The following PCDHA4 variants were observed in gnomAD, a reference collection of about 807,000 sequenced individuals.
PCDHA4 encodes the protein protocadherin alpha 4.
In PCDHA4, 49 loss-of-function variants were observed where a neutral mutation model predicts 61.4. That is an observed-to-expected ratio of 0.80 (90% CI 0.63 to 1.01). The LOEUF (loss-of-function observed/expected upper bound fraction) is 1.01. Among genes scored for constraint, PCDHA4 ranks in the 50% least tolerant of loss-of-function variants. The pLI is 0.00. For synonymous variants in PCDHA4, 590 were observed against 550.3 expected (o/e 1.07, Z -1.01); for missense variants, 1,254 against 1,235.8 (o/e 1.01, Z -0.22).
intron 1 of PCDHA4, among the ~76,000 whole-genome samples, chr5:140,932,809 CAT>C (rs782729907): frequency 3.3e-5 from 5 of 151,746 alleles, no homozygotes; most frequent in Admixed American, 6.6e-5. Flanking sequence ...ACCTTGGAAA[CAT>C]ATAAGTGGGA....
chr5:140,809,621 T>C, intron 1 of PCDHA4, 49 bp downstream of exon 1: 1 of 1,510,150 alleles, frequency 6.6e-7, no homozygotes, highest in Non-Finnish European at 8.9e-7. Flanking sequence ...TTTTTCTCTA[T>C]CAACTTCTTC....
At chr5:140,821,498 G>C (rs1479155064) in intron 1 of PCDHA4, 4 of 316,254 alleles carry the variant, frequency 1.3e-5, no homozygotes, top group Admixed American at 8.8e-5. Context: ...AAATATTGAC[G>C]AATATAAGCT....
chr5:140,821,976 CA>C (rs2150112457), intron 1 of PCDHA4: 1 of 1,614,196 alleles, frequency 6.2e-7, no homozygotes, highest in South Asian at 1.1e-5. Flanking sequence ...GGGTGGCGTC[CA>C]AGGGCCGCGG....
chr5:140,853,535 C>G (rs916895928), intron 1 of PCDHA4: 2 of 979,230 alleles, frequency 2.0e-6, no homozygotes, highest in South Asian at 9.5e-5. Context: ...TGTCTCTTTT[C>G]AAGTTGTAAT....
At chr5:140,865,966 T>C (rs1376241258) in intron 1 of PCDHA4, 5 of 152,194 alleles carry the variant, frequency 3.3e-5, no homozygotes, top group Non-Finnish European at 2.9e-5. Context: ...TTTTGTACAA[T>C]GTGTGATTGA....
intron 3 of PCDHA4, among the ~76,000 whole-genome samples, chr5:141,008,680 T>C (rs2098386787): frequency 6.6e-6 from 1 of 152,220 alleles, no homozygotes; most frequent in Non-Finnish European, 1.5e-5. Flanking sequence ...ATACTTTAGT[T>C]ATTGCATGTA....
At chr5:140,971,117 G>A (rs868931936) in intron 1 of PCDHA4, among the ~76,000 whole-genome samples, 1 of 152,162 alleles carries the variant, frequency 6.6e-6, no homozygotes, top group Admixed American at 6.5e-5. Flanking sequence ...ATTGGGGTGG[G>A]CTACAGGTGG....
intron 1 of PCDHA4, among the ~76,000 whole-genome samples, chr5:140,903,368 A>G (rs1554190936): frequency 6.6e-6 from 1 of 152,234 alleles, no homozygotes; most frequent in Non-Finnish European, 1.5e-5. Flanking sequence ...TCAAAAATAT[A>G]GGGAGGATTG....
At position 140,807,477 on chromosome 5, in the gene PCDHA4, G is replaced by C. The variant is rs111900306; in HGVS notation, c.290G>C (p.Arg97Pro). The C allele has an allele frequency of 1.1e-5, 17 of 1,613,078 alleles. No homozygotes were observed. Among genetic ancestry groups the C allele is most frequent in the Non-Finnish European group, 1.4e-5 (17 of 1,179,766 alleles). Residue 97 changes from arginine to proline, a missense_variant, in exon 1 of 4, where the codon CGG (arginine) becomes CCG (proline). By Grantham distance (103) the Arg-to-Pro change is moderately radical. Transcript: ENST00000530339. The stretch of plus-strand genomic sequence containing the variant: ...CGGATCGACCGGGAGGAGCTGTGCC[G>C]GCGGAGCGCGGAGTGCAGCATCCAC... ...NSRIDREELC[R>P]RSAECSIHLE...
At chr5:140,985,065 G>A (rs189493508) in intron 3 of PCDHA4, among the ~76,000 whole-genome samples, 45 of 152,190 alleles carry the variant, frequency 3.0e-4, no homozygotes, top group Admixed American at 5.2e-4. Context: ...AGCCTCCTGA[G>A]TAGCTGAGAC....
intron 3 of PCDHA4, among the ~76,000 whole-genome samples, chr5:141,004,378 G>C (rs914260481): frequency 6.6e-6 from 1 of 152,316 alleles, no homozygotes; most frequent in South Asian, 2.1e-4. Context: ...TCTGCTCTGC[G>C]GAAGCTGGAC....
rs1764081546 is a variant in PCDHA4 at position 140,808,011 on chromosome 5, G to A, written c.824G>A (p.Gly275Glu). Residue 275 changes from glycine to glutamate, a missense_variant, in exon 1 of 4, where the codon GGG becomes GAG. Gly to Glu is a moderately conservative substitution (Grantham distance 98, BLOSUM62 -2). Coordinates refer to ENST00000530339, the MANE Select transcript of PCDHA4 (RefSeq NM_018907.4). The part of the protein sequence containing the change: ...NASDLDEGLN[G>E]DIVYSFSNDI... ...TCAGATTTAGACGAAGGATTGAATGGGGACATTGTTTATTCATTCTCAAAT... is the reference window on the plus strand; with the variant it reads ...TCAGATTTAGACGAAGGATTGAATGAGGACATTGTTTATTCATTCTCAAAT... The A allele has an allele frequency of 6.2e-7, 1 of 1,613,630 alleles. No individual in the cohort carries two copies. Among genetic ancestry groups the A allele is most frequent in the Non-Finnish European group, 8.5e-7 (1 of 1,179,706 alleles).
intron 3 of PCDHA4, among the ~76,000 whole-genome samples, chr5:140,998,010 C>A (rs2097793505): frequency 6.6e-6 from 1 of 152,096 alleles, no homozygotes; most frequent in Admixed American, 6.6e-5. Flanking sequence ...GCCTTCCATC[C>A]CCACCTCGAG....
At chr5:140,980,856 G>A (rs559833499) in intron 2 of PCDHA4, among the ~76,000 whole-genome samples, 2 of 152,004 alleles carry the variant, frequency 1.3e-5, no homozygotes, top group African/African-American at 2.4e-5. Context: ...AATCTTTTTC[G>A]TATGTGTGCT....
At chr5:140,987,045 C>G (rs1344958949) in intron 3 of PCDHA4, among the ~76,000 whole-genome samples, 1 of 151,982 alleles carries the variant, frequency 6.6e-6, no homozygotes, top group Non-Finnish European at 1.5e-5. Flanking sequence ...GAAACCCCAT[C>G]TCTACTAAAG....
At position 140,809,314 on chromosome 5, in the gene PCDHA4, C is replaced by G. The variant is rs1333425784; in HGVS notation, c.2127C>G (p.Ser709Arg). Reference protein sequence around the residue: ...YLIIAICAVSSLLVLTLLLYT... With the variant: ...YLIIAICAVSRLLVLTLLLYT... The stretch of plus-strand genomic sequence containing the variant: ...TCATTGCCATCTGCGCGGTGTCCAG[C>G]CTTTTGGTGCTCACGCTGCTGCTGT... The change falls in exon 1 of 4, where the codon AGC (serine) becomes AGG (arginine). Residue 709 changes from serine to arginine, a missense_variant. Ser to Arg is a moderately radical substitution (Grantham distance 110). Coordinates refer to ENST00000530339, the MANE Select transcript of PCDHA4 (RefSeq NM_018907.4). The G allele has an allele frequency of 2.5e-6, 4 of 1,613,982 alleles. No homozygotes were observed. Among genetic ancestry groups the G allele is most frequent in the African/African-American group, 2.7e-5 (2 of 74,948 alleles).
chr5:140,877,350 G>A (rs376513441), intron 1 of PCDHA4: 2 of 1,613,896 alleles, frequency 1.2e-6, no homozygotes, highest in African/African-American at 1.3e-5. Flanking sequence ...ACGTGGGGCT[G>A]TACACTGGCG....
intron 3 of PCDHA4, among the ~76,000 whole-genome samples, chr5:140,996,316 A>C (rs2153939037): frequency 6.6e-6 from 1 of 152,250 alleles, no homozygotes; most frequent in African/African-American, 2.4e-5. Context: ...GTAAGGGGGG[A>C]GGGTAGAGAA....
chr5:140,984,230 A>C (rs1329517544), intron 3 of PCDHA4, among the ~76,000 whole-genome samples: 1 of 152,112 alleles, frequency 6.6e-6, no homozygotes, highest in Non-Finnish European at 1.5e-5. Flanking sequence ...GCTCTTATGG[A>C]GGCATTGTAG....
Sources: gnomAD v4.1 joint callset for allele counts (sites outside exome capture counted in the v4.1 genomes callset) on GRCh38, gnomAD v4.1.1 for gene constraint, MANE v1.5 for transcripts, NCBI Gene and HGNC (gene_info 2026-07-23, HGNC 2026-07-21) for gene names.